The following TRHDE variants were observed in gnomAD, a reference collection of about 807,000 sequenced individuals.
TRHDE encodes the protein thyrotropin releasing hormone degrading enzyme.
Under a neutral mutation model 125.7 loss-of-function variants are expected in TRHDE, and 72 were observed. The ratio of observed to expected loss-of-function variants is 0.57; its 90% CI spans 0.47 to 0.70. The LOEUF is 0.70. Among genes scored for constraint, TRHDE ranks in the 30% least tolerant of loss-of-function variants. TRHDE has a pLI of 0.00. For missense variants in TRHDE, 1,110 were observed against 1,327.1 expected (o/e 0.84, Z 2.54); for synonymous variants, 509 against 509.1 (o/e 1.00, Z 0.00).
chr12:72,338,269 C>T (rs945445246), intron 2 of TRHDE, among the ~76,000 whole-genome samples: 3 of 152,138 alleles, frequency 2.0e-5, no homozygotes, highest in Admixed American at 6.6e-5. Flanking sequence ...TAACTAAGGA[C>T]GGTAGTGATG....
rs139802615 is a variant in TRHDE, at chr12:72,418,992, A to G, written c.1315+40871A>G. Among the ~76,000 whole-genome samples, 159 of 152,292 alleles carry G rather than the reference A, an allele frequency of 1.0e-3. 1 individual carries two copies. Among genetic ancestry groups the G allele is most frequent in the African/African-American group, 3.5e-3 (145 of 41,574 alleles). Reference sequence around the variant, plus strand: ...AGAAGTTACTTTATTTTCTTGGGATATAGAATGAGTAGTAGTACTGCTACT... The same window carrying G: ...AGAAGTTACTTTATTTTCTTGGGATGTAGAATGAGTAGTAGTACTGCTACT... On this transcript the variant is annotated intron_variant, in intron 3 of 18. Coordinates refer to ENST00000261180, the MANE Select transcript of TRHDE (RefSeq NM_013381.3).
chr12:72,117,089 T>C (rs1465001453), intron 2 of TRHDE, among the ~76,000 whole-genome samples: 1 of 152,176 alleles, frequency 6.6e-6, no homozygotes, highest in African/African-American at 2.4e-5. Flanking sequence ...GGTTTTTAGC[T>C]GAACGTAATC....
intron 3 of TRHDE, among the ~76,000 whole-genome samples, chr12:72,422,486 A>G (rs925176139): frequency 2.6e-5 from 4 of 152,214 alleles, no homozygotes; most frequent in South Asian, 2.1e-4. Flanking sequence ...TTGGAGAGAA[A>G]TGGATTAAGA....
At chr12:72,306,733 T>A (rs1868347104) in intron 2 of TRHDE, 1 of 152,204 alleles carries the variant, frequency 6.6e-6, no homozygotes, top group Non-Finnish European at 1.5e-5. Context: ...ACATTGTTTC[T>A]ATTCCAGTGG....
At chr12:72,519,119 G>A (rs1221781795) in intron 6 of TRHDE, among the ~76,000 whole-genome samples, 2 of 152,034 alleles carry the variant, frequency 1.3e-5, no homozygotes, top group Non-Finnish European at 2.9e-5. Flanking sequence ...TGACAATTAT[G>A]TGTCTTGGAG....
intron 7 of TRHDE, among the ~76,000 whole-genome samples, chr12:72,550,983 A>G (rs1466676913): frequency 1.3e-5 from 2 of 151,486 alleles, no homozygotes; most frequent in Admixed American, 6.6e-5. Context: ...CTTGCATTTC[A>G]CTCTTTTCAT....
chr12:72,369,946 T>A (rs942889760), intron 2 of TRHDE, among the ~76,000 whole-genome samples: 2 of 152,192 alleles, frequency 1.3e-5, no homozygotes, highest in African/African-American at 4.8e-5. Flanking sequence ...TTACTCTCTA[T>A]GTTATGATTA....
At chr12:72,128,156 C>T (rs904429354) in intron 2 of TRHDE, among the ~76,000 whole-genome samples, 2 of 152,118 alleles carry the variant, frequency 1.3e-5, no homozygotes, top group African/African-American at 2.4e-5. Flanking sequence ...TCTACATTTG[C>T]AGCACATTGA....
intron 5 of TRHDE, among the ~76,000 whole-genome samples, chr12:72,493,285 G>T (rs1277117046): frequency 1.3e-5 from 2 of 151,770 alleles, no homozygotes; most frequent in Non-Finnish European, 2.9e-5. Flanking sequence ...ACTGTATTTG[G>T]ATATCTATAT....
At chr12:72,350,728 A>C (rs1870544721) in intron 2 of TRHDE, among the ~76,000 whole-genome samples, 1 of 152,052 alleles carries the variant, frequency 6.6e-6, no homozygotes, top group African/African-American at 2.4e-5. Flanking sequence ...CTAAAGATTA[A>C]GACTGGGTGT....
At chr12:72,463,212 G>A (rs528541637) in intron 3 of TRHDE, among the ~76,000 whole-genome samples, 3 of 152,322 alleles carry the variant, frequency 2.0e-5, no homozygotes, top group Non-Finnish European at 2.9e-5. Flanking sequence ...CTGCTGAGGT[G>A]ATGCTCCTGA....
At chr12:72,098,325 T>C (rs1207676640) in intron 1 of TRHDE, among the ~76,000 whole-genome samples, 3 of 152,130 alleles carry the variant, frequency 2.0e-5, no homozygotes, top group African/African-American at 4.8e-5. Context: ...TTTCCCCCAG[T>C]GGTCAAATCT....
At chr12:72,565,601 GAGAATTT>G (rs1161092440) in intron 9 of TRHDE, among the ~76,000 whole-genome samples, 3 of 152,110 alleles carry the variant, frequency 2.0e-5, no homozygotes, top group Non-Finnish European at 2.9e-5. Flanking sequence ...CTTTGCTGCA[GAGAATTT>G]TACTAACCTC....
chr12:72,365,900 G>A (rs1173073875), intron 2 of TRHDE, among the ~76,000 whole-genome samples: 5 of 152,110 alleles, frequency 3.3e-5, no homozygotes, highest in Admixed American at 3.3e-4. Flanking sequence ...TCCCTGTGGA[G>A]GCTCTGTGGG....
intron 6 of TRHDE, among the ~76,000 whole-genome samples, chr12:72,520,326 C>T (rs530609414): frequency 7.2e-5 from 11 of 152,296 alleles, no homozygotes; most frequent in South Asian, 2.1e-4. Flanking sequence ...GAGCCAGGTG[C>T]GGGATATAAT....
At chr12:72,089,567 T>C (rs1022507893) in intron 1 of TRHDE, among the ~76,000 whole-genome samples, 16 of 152,216 alleles carry the variant, frequency 1.1e-4, no homozygotes, top group Non-Finnish European at 2.2e-4. Context: ...TTCCTTCATG[T>C]ATTTTCTTAT....
chr12:72,366,107 C>T (rs1265866275), intron 2 of TRHDE, among the ~76,000 whole-genome samples: 1 of 152,116 alleles, frequency 6.6e-6, no homozygotes, highest in African/African-American at 2.4e-5. Context: ...TGTGATTACA[C>T]TTAGGATCTA....
At chr12:72,219,240 T>A (rs1393841849) in intron 2 of TRHDE, among the ~76,000 whole-genome samples, 1 of 152,104 alleles carries the variant, frequency 6.6e-6, no homozygotes, top group African/African-American at 2.4e-5. Flanking sequence ...TCTATCAATT[T>A]ATTAGGACTC....
intron 2 of TRHDE, among the ~76,000 whole-genome samples, chr12:72,189,735 T>C (rs1877300996): frequency 6.6e-6 from 1 of 152,148 alleles, no homozygotes. Context: ...TATCCCACAT[T>C]TGGGAATCTT....
Sources: allele counts gnomAD v4.1 joint callset (sites outside exome capture counted in the v4.1 genomes callset), GRCh38; gene constraint gnomAD v4.1.1; transcripts MANE v1.5; gene names NCBI Gene and HGNC (gene_info 2026-07-23, HGNC 2026-07-21).